The following EPHA6 variants were observed in gnomAD, a reference collection of about 807,000 sequenced individuals.
EPHA6 encodes ephrin type-A receptor 6.
In EPHA6, 50 loss-of-function variants were observed where a neutral mutation model predicts 112.0. The observed-to-expected ratio is 0.45, with a 90% CI of 0.36 to 0.56. EPHA6 has a LOEUF of 0.56. Among genes scored for constraint, EPHA6 ranks in the 20% least tolerant of loss-of-function variants. The probability of loss-of-function intolerance (pLI) is 0.00; values close to 1 mark genes in which losing one functional copy is unlikely to be tolerated. For synonymous variants in EPHA6, 529 were observed against 490.7 expected (o/e 1.08, Z -1.03); for missense variants, 1,280 against 1,417.4 (o/e 0.90, Z 1.56).
At chr3:97,260,636 T>C (rs983253037) in intron 5 of EPHA6, among the ~76,000 whole-genome samples, 3 of 152,210 alleles carry the variant, frequency 2.0e-5, no homozygotes, top group Non-Finnish European at 2.9e-5. Flanking sequence ...TATATGGCAC[T>C]GTTACAAGAT....
chr3:97,170,085 C>A lies in EPHA6; in HGVS notation c.1115-56179C>A, dbSNP rs553746942. ...CCATGGCACATGTATGCCTATGTAA[C>A]AAACCTGCACATTTAGCACATGTAT... On this transcript the variant is annotated intron_variant, in intron 3 of 17. Coordinates refer to ENST00000389672, the MANE Select transcript of EPHA6 (RefSeq NM_001080448.3). Among the ~76,000 whole-genome samples the A allele has an allele frequency of 1.3e-4, 19 of 148,350 alleles. No individual in the cohort carries two copies. The South Asian group carries it at 3.9e-3, about 30-fold the overall frequency.
At chr3:96,954,835 G>A (rs1294113879) in intron 2 of EPHA6, among the ~76,000 whole-genome samples, 13 of 131,392 alleles carry the variant, frequency 9.9e-5, no homozygotes, top group African/African-American at 2.1e-4. Flanking sequence ...CGCCCAGGCC[G>A]GACTGCGGAC....
At chr3:97,499,631 G>T (rs1195352337) in intron 10 of EPHA6, among the ~76,000 whole-genome samples, 1 of 152,138 alleles carries the variant, frequency 6.6e-6, no homozygotes, top group Non-Finnish European at 1.5e-5. Flanking sequence ...AAGCTGTAAA[G>T]CATACTGCAC....
intron 3 of EPHA6, among the ~76,000 whole-genome samples, chr3:97,059,516 G>T (rs1226709893): frequency 1.3e-5 from 2 of 151,628 alleles, no homozygotes; most frequent in Non-Finnish European, 2.9e-5. Context: ...ATCATCAAAG[G>T]TATTGTAATG....
At chr3:97,657,422 C>T (rs987146416) in intron 14 of EPHA6, among the ~76,000 whole-genome samples, 13 of 151,936 alleles carry the variant, frequency 8.6e-5, no homozygotes, top group African/African-American at 2.6e-4. Flanking sequence ...GTTCCATAAT[C>T]AAGGCATTTC....
intron 3 of EPHA6, among the ~76,000 whole-genome samples, chr3:97,166,465 A>T (rs1026212423): frequency 2.0e-5 from 3 of 152,020 alleles, no homozygotes; most frequent in African/African-American, 7.2e-5. Flanking sequence ...CGAGTAGGTG[A>T]TTTATTAAGT....
chr3:97,581,854 G>A (rs1373477755), intron 11 of EPHA6, among the ~76,000 whole-genome samples: 2 of 152,230 alleles, frequency 1.3e-5, no homozygotes, highest in African/African-American at 4.8e-5. Context: ...CCTCTTAGAA[G>A]AGGTGGCATT....
At chr3:97,035,368 G>A (rs537689050) in intron 3 of EPHA6, among the ~76,000 whole-genome samples, 1 of 152,100 alleles carries the variant, frequency 6.6e-6, no homozygotes, top group South Asian at 2.1e-4. Context: ...AAATGGGACA[G>A]ATGAGAAGTA....
At chr3:97,226,804 TA>T (rs2078370134) in intron 4 of EPHA6, among the ~76,000 whole-genome samples, 1 of 152,226 alleles carries the variant, frequency 6.6e-6, no homozygotes, top group Non-Finnish European at 1.5e-5. Context: ...TAGGACCATA[TA>T]GTTAACGCGT....
At chr3:97,441,264 C>T (rs2090123416) in intron 6 of EPHA6, among the ~76,000 whole-genome samples, 1 of 151,912 alleles carries the variant, frequency 6.6e-6, no homozygotes, top group Non-Finnish European at 1.5e-5. Context: ...ATATTATGAA[C>T]AAGTGTTAAC....
At chr3:97,180,263 G>A (rs1236799219) in intron 3 of EPHA6, among the ~76,000 whole-genome samples, 2 of 151,954 alleles carry the variant, frequency 1.3e-5, no homozygotes, top group Admixed American at 6.6e-5. Context: ...TCCTGACCTG[G>A]TACTCGTCCT....
At chr3:97,232,297 G>A (rs2078551984) in intron 4 of EPHA6, among the ~76,000 whole-genome samples, 1 of 152,038 alleles carries the variant, frequency 6.6e-6, no homozygotes, top group Non-Finnish European at 1.5e-5. Context: ...GCACATAATG[G>A]GTGCTACATA....
At chr3:97,187,675 G>GAAAGAAAGAAGGAA (rs1316062620) in intron 3 of EPHA6, among the ~76,000 whole-genome samples, 20 of 77,100 alleles carry the variant, frequency 2.6e-4, no homozygotes, top group African/African-American at 1.0e-3. Flanking sequence ...AAGAAAGAAA[G>GAAAGAAAGAAGGAA]AGAAAGAAAG....
chr3:97,135,856 CCACACA>C (rs113592764), intron 3 of EPHA6, among the ~76,000 whole-genome samples: 7 of 148,282 alleles, frequency 4.7e-5, no homozygotes, highest in Admixed American at 6.8e-5. Context: ...GGATTAAATG[CCACACA>C]CACACACACA....
intron 5 of EPHA6, among the ~76,000 whole-genome samples, chr3:97,308,827 C>T (rs1301216717): frequency 6.6e-6 from 1 of 151,742 alleles, no homozygotes; most frequent in Non-Finnish European, 1.5e-5. Flanking sequence ...ATCATGTGCA[C>T]TCAATGAATA....
chr3:97,694,067 A>G (rs1423963993), intron 14 of EPHA6, among the ~76,000 whole-genome samples: 1 of 152,070 alleles, frequency 6.6e-6, no homozygotes, highest in Non-Finnish European at 1.5e-5. Context: ...TAAATCACAA[A>G]TGGTCCCCTA....
chr3:97,576,976 G>A (rs1230513115), intron 11 of EPHA6, among the ~76,000 whole-genome samples: 3 of 152,160 alleles, frequency 2.0e-5, no homozygotes, highest in African/African-American at 7.2e-5. Flanking sequence ...ACCCACATTG[G>A]TAGAAGGATG....
intron 3 of EPHA6, among the ~76,000 whole-genome samples, chr3:97,053,655 C>G (rs1471252430): frequency 6.6e-6 from 1 of 152,070 alleles, no homozygotes; most frequent in Admixed American, 6.6e-5. Flanking sequence ...TCCTATACAA[C>G]TTGCATTTGT....
At chr3:97,133,688 T>C (rs1301422454) in intron 3 of EPHA6, among the ~76,000 whole-genome samples, 1 of 152,034 alleles carries the variant, frequency 6.6e-6, no homozygotes. Context: ...TATTCTGGAA[T>C]GGCATAAAGG....
Sources: allele counts gnomAD v4.1 joint callset (sites outside exome capture counted in the v4.1 genomes callset), GRCh38; gene constraint gnomAD v4.1.1; transcripts MANE v1.5; gene names NCBI Gene and HGNC (gene_info 2026-07-23, HGNC 2026-07-21).